The following PARD3B variants were observed in gnomAD, a reference collection of about 807,000 sequenced individuals.
The protein encoded by PARD3B is partitioning defective 3 homolog B.
PARD3B carries 103 observed loss-of-function variants against 130.2 expected under a neutral mutation model. The ratio of observed to expected loss-of-function variants is 0.79; its 90% CI spans 0.67 to 0.93. The LOEUF is 0.93. PARD3B is among the 40% of genes least tolerant of loss of function. The pLI is 0.00. For missense variants in PARD3B, 1,609 were observed against 1,499.2 expected (o/e 1.07, Z -1.21); for synonymous variants, 583 against 553.2 (o/e 1.05, Z -0.76).
chr2:205,159,525 C>T (rs1174259587), intron 11 of PARD3B, among the ~76,000 whole-genome samples: 2 of 152,202 alleles, frequency 1.3e-5, no homozygotes, highest in African/African-American at 4.8e-5. Context: ...AAGTCCAGCT[C>T]AGTCCTTGCT....
chr2:205,082,467 G>T (rs935654069), intron 4 of PARD3B, among the ~76,000 whole-genome samples: 3 of 152,126 alleles, frequency 2.0e-5, no homozygotes, highest in Non-Finnish European at 4.4e-5. Flanking sequence ...TTCTCTCTCT[G>T]TCTCTCTCTA....
intron 1 of PARD3B, among the ~76,000 whole-genome samples, chr2:204,601,245 T>G (rs1301967910): frequency 6.6e-6 from 1 of 151,932 alleles, no homozygotes; most frequent in Admixed American, 6.6e-5. Context: ...GTTAATATGG[T>G]CAGAAATTTA....
chr2:204,883,421 T>TATATATATAAA (rs1559226327), intron 2 of PARD3B, among the ~76,000 whole-genome samples: 32 of 117,528 alleles, frequency 2.7e-4, no homozygotes, highest in African/African-American at 1.1e-3. Flanking sequence ...ATATATAATA[T>TATATATATAAA]ATATATATAT....
intron 1 of PARD3B, among the ~76,000 whole-genome samples, chr2:204,679,663 AT>A (rs143731460): frequency 0.046 from 7,002 of 151,258 alleles, 450 homozygotes; most frequent in East Asian, 0.14. Context: ...AAATGTTACA[AT>A]TTTTTTTTAA....
intron 1 of PARD3B, among the ~76,000 whole-genome samples, chr2:204,557,510 T>G (rs1364202726): frequency 6.6e-6 from 1 of 152,200 alleles, no homozygotes; most frequent in East Asian, 1.9e-4. Context: ...TGAGTCTTCT[T>G]TATTTTCTTA....
At chr2:205,555,385 G>A (rs1488699050) in intron 22 of PARD3B, among the ~76,000 whole-genome samples, 1 of 152,152 alleles carries the variant, frequency 6.6e-6, no homozygotes, top group East Asian at 1.9e-4. Flanking sequence ...AAGGAGTCAA[G>A]CAAATCAGCC....
intron 15 of PARD3B, among the ~76,000 whole-genome samples, chr2:205,216,501 C>T (rs1030539153): frequency 2.0e-5 from 3 of 151,884 alleles, no homozygotes; most frequent in Non-Finnish European, 4.4e-5. Context: ...ATATGTATTA[C>T]ACATATAATA....
At chr2:204,776,234 T>C (rs1032493721) in intron 2 of PARD3B, among the ~76,000 whole-genome samples, 2 of 152,194 alleles carry the variant, frequency 1.3e-5, no homozygotes, top group Admixed American at 1.3e-4. Context: ...GTTGATATGT[T>C]TTCTAGCTTT....
At chr2:205,223,114 A>G (rs575853047) in intron 15 of PARD3B, among the ~76,000 whole-genome samples, 1 of 152,318 alleles carries the variant, frequency 6.6e-6, no homozygotes, top group South Asian at 2.1e-4. Context: ...GCATCTAAAC[A>G]TGTGAGATCA....
At chr2:205,115,037 T>C (rs960104876) in intron 6 of PARD3B, among the ~76,000 whole-genome samples, 1 of 152,144 alleles carries the variant, frequency 6.6e-6, no homozygotes, top group African/African-American at 2.4e-5. Flanking sequence ...ATGACCAGGC[T>C]CTTTAGTTTA....
rs1345416628 is a variant in PARD3B at position 205,580,998 on chromosome 2, G to A, written c.3260+27595G>A. ...AATACCAGGATACTTTTGGGAATAT[G>A]TATCTTTAATTCAGAAAATGCTCAC... is the stretch of plus-strand genomic sequence containing the variant. On this transcript the variant is annotated intron_variant, in intron 22 of 22. Coordinates refer to ENST00000406610, the MANE Select transcript of PARD3B (RefSeq NM_001302769.2). Among the ~76,000 whole-genome samples the A allele has an allele frequency of 2.0e-5, 3 of 152,076 alleles. No individual in the cohort carries two copies. In the East Asian group the frequency reaches 5.8e-4, roughly 29 times the overall value.
chr2:204,930,564 G>A (rs1184441211), intron 2 of PARD3B, among the ~76,000 whole-genome samples: 1 of 151,982 alleles, frequency 6.6e-6, no homozygotes, highest in Non-Finnish European at 1.5e-5. Context: ...CCATCTACTA[G>A]TTCCTTAAGT....
chr2:205,286,145 T>G (rs1205074227), intron 16 of PARD3B, among the ~76,000 whole-genome samples: 2 of 151,228 alleles, frequency 1.3e-5, no homozygotes, highest in East Asian at 1.9e-4. Flanking sequence ...AACAAAACAG[T>G]TTTTTTTTCT....
chr2:205,111,772 A>T (rs548880317), intron 5 of PARD3B, among the ~76,000 whole-genome samples: 4 of 152,192 alleles, frequency 2.6e-5, no homozygotes, highest in African/African-American at 9.6e-5. Context: ...AACTATAAAA[A>T]TATGTTACAA....
intron 4 of PARD3B, among the ~76,000 whole-genome samples, chr2:205,102,835 C>T (rs10196569): frequency 0.59 from 89,421 of 151,810 alleles, 27,021 homozygotes; most frequent in East Asian, 0.8. Context: ...GAGGCCAAGA[C>T]GACCAGATCA....
At chr2:205,468,623 A>T (rs1357299844) in intron 20 of PARD3B, among the ~76,000 whole-genome samples, 1 of 151,774 alleles carries the variant, frequency 6.6e-6, no homozygotes, top group Non-Finnish European at 1.5e-5. Flanking sequence ...CACACAACTG[A>T]CCTCTTTCTG....
intron 2 of PARD3B, among the ~76,000 whole-genome samples, chr2:204,826,895 C>T (rs1232718630): frequency 6.6e-6 from 1 of 152,016 alleles, no homozygotes; most frequent in Non-Finnish European, 1.5e-5. Flanking sequence ...TGGTATGTGC[C>T]TATAGTCCTA....
chr2:205,443,228 A>C (rs1024881007), intron 20 of PARD3B, among the ~76,000 whole-genome samples: 1 of 152,210 alleles, frequency 6.6e-6, no homozygotes, highest in African/African-American at 2.4e-5. Context: ...AAGAGTTGCT[A>C]TGGCAGTTTC....
chr2:205,358,806 A>T (rs2044288541), intron 18 of PARD3B, among the ~76,000 whole-genome samples: 1 of 151,916 alleles, frequency 6.6e-6, no homozygotes, highest in African/African-American at 2.4e-5. Context: ...ATTTTAACTC[A>T]TCTGTATAGT....
Sources: gnomAD v4.1 joint callset for allele counts (sites outside exome capture counted in the v4.1 genomes callset) on GRCh38, gnomAD v4.1.1 for gene constraint, MANE v1.5 for transcripts, NCBI Gene and HGNC (gene_info 2026-07-23, HGNC 2026-07-21) for gene names.